SETBP1: variants seen among roughly 807,000 people sequenced by gnomAD.
The protein encoded by SETBP1 is SET-binding protein.
Under a neutral mutation model 101.0 loss-of-function variants are expected in SETBP1, and 9 were observed. The observed-to-expected ratio is 0.09, with a 90% CI of 0.05 to 0.16. The LOEUF (loss-of-function observed/expected upper bound fraction) is 0.16. SETBP1 is among the 10% of genes least tolerant of loss of function. The pLI is 1.00. For missense variants in SETBP1, 1,858 were observed against 2,033.8 expected (o/e 0.91, Z 1.66); for synonymous variants, 818 against 788.5 (o/e 1.04, Z -0.63).
intron 4 of SETBP1, among the ~76,000 whole-genome samples, chr18:44,998,261 G>A (rs1447476354): frequency 1.3e-5 from 2 of 152,224 alleles, no homozygotes; most frequent in Admixed American, 1.3e-4. Flanking sequence ...AGCTGTCACA[G>A]TTGTGTATGG....
intron 2 of SETBP1, among the ~76,000 whole-genome samples, chr18:44,846,894 ATCTCCCAAACTTG>A (rs1280724663): frequency 1.3e-5 from 2 of 152,304 alleles, no homozygotes; most frequent in African/African-American, 4.8e-5. Flanking sequence ...GGCTGTTACC[ATCTCCCAAACTTG>A]TCTAGAACTT....
At chr18:45,013,337 A>G (rs1403169385) in intron 4 of SETBP1, among the ~76,000 whole-genome samples, 2 of 152,120 alleles carry the variant, frequency 1.3e-5, no homozygotes. Flanking sequence ...CAAACAAACA[A>G]AGGCCTGTTT....
chr18:44,801,909 ACCATCTGG>A (rs2071616292), intron 2 of SETBP1, among the ~76,000 whole-genome samples: 1 of 152,072 alleles, frequency 6.6e-6, no homozygotes, highest in Non-Finnish European at 1.5e-5. Flanking sequence ...TTTATGGGGA[ACCATCTGG>A]CCACTGGAAA....
At chr18:44,998,018 A>G (rs1427684845) in intron 4 of SETBP1, among the ~76,000 whole-genome samples, 1 of 152,218 alleles carries the variant, frequency 6.6e-6, no homozygotes. Flanking sequence ...AACTTGGATC[A>G]TGTTAATTAG....
chr18:44,781,313 CT>C (rs578257798), intron 2 of SETBP1, among the ~76,000 whole-genome samples: 183 of 152,270 alleles, frequency 1.2e-3, no homozygotes, highest in African/African-American at 4.2e-3. Context: ...GATATGCCCA[CT>C]TAACTAAAAT....
At chr18:44,841,492 C>G (rs1599205970) in intron 2 of SETBP1, among the ~76,000 whole-genome samples, 1 of 152,172 alleles carries the variant, frequency 6.6e-6, no homozygotes. Context: ...TTAGGCTCCA[C>G]CTTTTGAGAG....
chr18:44,962,273 C>T (rs2071628136), intron 4 of SETBP1, among the ~76,000 whole-genome samples: 1 of 152,108 alleles, frequency 6.6e-6, no homozygotes, highest in African/African-American at 2.4e-5. Flanking sequence ...AGTGAGTGCT[C>T]CAGCAGCATG....
chr18:45,067,737 C>A lies in SETBP1; in HGVS notation c.*4039C>A, dbSNP rs1037462152. ...TCTGCCTCTTGTTTCTTGGAGAGTT[C>A]ACCCCACTGATGAGTCTTCCTTCCC... On this transcript the variant is annotated 3_prime_UTR_variant, in exon 6 of 6. Transcript: ENST00000649279. 1.3e-5 allele frequency: 2 copies of A among 152,158 alleles called. No homozygotes were observed. The highest frequency in any genetic ancestry group is 1.3e-4 in the Admixed American group (2 of 15,270). 9.4% of individuals were successfully genotyped at this position (152,158 alleles called of 1,614,324 possible).
intron 2 of SETBP1, among the ~76,000 whole-genome samples, chr18:44,800,953 A>G (rs1003162654): frequency 6.6e-6 from 1 of 152,184 alleles, no homozygotes. Flanking sequence ...ATGCAGCCAT[A>G]AAAAAGGATG....
chr18:44,934,090 C>T (rs1411978598), intron 3 of SETBP1, among the ~76,000 whole-genome samples: 1 of 152,078 alleles, frequency 6.6e-6, no homozygotes, highest in Non-Finnish European at 1.5e-5. Context: ...TTTTTACCAA[C>T]CTTGTCTTGT....
chr18:44,984,862 C>T lies in SETBP1; in HGVS notation c.4000+31522C>T, dbSNP rs927761743. Reference sequence around the variant, plus strand: ...TAATTCAAAGTTTACATGCTTAGGCCGGACGCAGTGGTTCACATCTGTAAT... The same window carrying T: ...TAATTCAAAGTTTACATGCTTAGGCTGGACGCAGTGGTTCACATCTGTAAT... On this transcript the variant is annotated intron_variant, in intron 4 of 5. Transcript: ENST00000649279. 2.0e-5 allele frequency among the ~76,000 whole-genome samples: 3 copies of T among 152,136 alleles called. No homozygotes were observed. In the South Asian group the frequency reaches 6.2e-4, roughly 32 times the overall value.
chr18:44,840,022 G>T (rs2072584735), intron 2 of SETBP1, among the ~76,000 whole-genome samples: 1 of 152,112 alleles, frequency 6.6e-6, no homozygotes, highest in South Asian at 2.1e-4. Context: ...TATTTTATTT[G>T]ACTTATGCAT....
chr18:45,015,803 A>G (rs965943388), intron 4 of SETBP1, among the ~76,000 whole-genome samples: 1 of 152,248 alleles, frequency 6.6e-6, no homozygotes, highest in Non-Finnish European at 1.5e-5. Context: ...CATAAGTATG[A>G]CATACATATG....
At chr18:44,868,258 TA>T (rs1160304014) in intron 2 of SETBP1, among the ~76,000 whole-genome samples, 1 of 152,152 alleles carries the variant, frequency 6.6e-6, no homozygotes, top group East Asian at 1.9e-4. Context: ...GTATAAATGA[TA>T]AAATCCTAAT....
At chr18:44,776,234 C>T (rs914504593) in intron 2 of SETBP1, among the ~76,000 whole-genome samples, 2 of 152,172 alleles carry the variant, frequency 1.3e-5, no homozygotes, top group African/African-American at 2.4e-5. Flanking sequence ...CCCCCACCTT[C>T]TTCCAGGGCT....
At chr18:45,062,649 T>C (rs1379086453) in intron 5 of SETBP1, among the ~76,000 whole-genome samples, 1 of 152,144 alleles carries the variant, frequency 6.6e-6, no homozygotes, top group African/African-American at 2.4e-5. Context: ...GTCTAATCCT[T>C]TGCTAAATTG....
intron 3 of SETBP1, among the ~76,000 whole-genome samples, chr18:44,902,905 T>A (rs1440788494): frequency 2.0e-5 from 3 of 152,072 alleles, no homozygotes; most frequent in Non-Finnish European, 4.4e-5. Context: ...TATATATATA[T>A]GTTGTATTGC....
chr18:44,969,924 C>T (rs2071805474), intron 4 of SETBP1, among the ~76,000 whole-genome samples: 1 of 152,112 alleles, frequency 6.6e-6, no homozygotes. Context: ...CTGGAAAAAC[C>T]CCAAATAATG....
chr18:44,745,104 T>C (rs2070206584), intron 2 of SETBP1, among the ~76,000 whole-genome samples: 1 of 152,202 alleles, frequency 6.6e-6, no homozygotes, highest in Non-Finnish European at 1.5e-5. Flanking sequence ...CTGTCTGTTG[T>C]GCTGCGGCTG....
Sources: allele counts gnomAD v4.1 joint callset (sites outside exome capture counted in the v4.1 genomes callset), GRCh38; gene constraint gnomAD v4.1.1; transcripts MANE v1.5; gene names NCBI Gene and HGNC (gene_info 2026-07-23, HGNC 2026-07-21).